Variants in JADE3 observed in about 807,000 individuals in gnomAD.
JADE3 encodes protein Jade-3.
Under a neutral mutation model 50.1 loss-of-function variants are expected in JADE3, and 2 were observed. That is an observed-to-expected ratio of 0.04 (90% confidence interval 0.02 to 0.13). JADE3 has a LOEUF of 0.13. Ranked by LOEUF, JADE3 falls within the 10% of genes least tolerant of loss-of-function variation. JADE3 has a pLI of 1.00. For missense variants in JADE3, 475 were observed against 634.4 expected (o/e 0.75, Z 2.70); for synonymous variants, 218 against 232.9 (o/e 0.94, Z 0.58).
rs1193717193 is a variant in JADE3, at chrX:47,059,509, A to G, written c.*432A>G. 8.5e-6 allele frequency: 1 copy of G among 118,149 alleles called. No homozygotes were observed. The highest frequency in any genetic ancestry group is 1.7e-5 in the Non-Finnish European group (1 of 57,537). 9.7% of individuals were successfully genotyped at this position (118,149 alleles called of 1,213,427 possible). A position where few individuals can be genotyped will look rare whatever the true frequency, so the allele number is the denominator to read the frequency against. On this transcript the variant is annotated 3_prime_UTR_variant, in exon 11 of 11. Transcript: ENST00000614628. The stretch of plus-strand genomic sequence containing the variant: ...GAGCTCCTGTCTGTAGGAAGTTTCT[A>G]ATTCCACTGGTATCTATAAACCCTT...
intron 1 of JADE3, among the ~76,000 whole-genome samples, chrX:46,969,825 A>G (rs1556349862): frequency 2.7e-5 from 3 of 112,170 alleles, no homozygotes; most frequent in Non-Finnish European, 5.6e-5. Flanking sequence ...GCGAAACTCC[A>G]TCTCAAAAAG....
At chrX:47,022,528 C>T (rs1200146114) in intron 4 of JADE3, among the ~76,000 whole-genome samples, 1 of 111,511 alleles carries the variant, frequency 9.0e-6, no homozygotes, top group African/African-American at 3.3e-5. Context: ...GTGGACTATG[C>T]CTGTATATAT....
intron 6 of JADE3, among the ~76,000 whole-genome samples, chrX:47,032,273 A>T (rs1018598143): frequency 2.7e-4 from 30 of 111,527 alleles, no homozygotes; most frequent in Non-Finnish European, 5.3e-4. Context: ...CGCTGTAAAT[A>T]TTTCAGTCTT....
intron 4 of JADE3, among the ~76,000 whole-genome samples, chrX:47,003,925 T>C (rs1928354738): frequency 9.6e-6 from 1 of 103,770 alleles, no homozygotes; most frequent in African/African-American, 3.5e-5. Flanking sequence ...AAATTATTTA[T>C]ATATATAAAT....
chrX:46,991,935 A>G (rs1315832307), intron 3 of JADE3, among the ~76,000 whole-genome samples: 1 of 110,697 alleles, frequency 9.0e-6, no homozygotes, highest in Admixed American at 9.6e-5. Flanking sequence ...TAGGGTGCAT[A>G]GTGGTCCTGT....
At chrX:47,046,445 A>G (rs1235821735) in intron 8 of JADE3, among the ~76,000 whole-genome samples, 3 of 112,235 alleles carry the variant, frequency 2.7e-5, no homozygotes, top group Non-Finnish European at 5.6e-5. Flanking sequence ...GAATTTTACA[A>G]AACATTTAAA....
At position 47,058,941 on chromosome X, in the gene JADE3, A is replaced by G; in HGVS notation, c.2336A>G (p.Glu779Gly). The change falls in exon 11 of 11, where the codon GAA (glutamate) becomes GGA (glycine). Residue 779 changes from glutamate to glycine, a missense_variant. By Grantham distance (98) the Glu-to-Gly change is moderately conservative (BLOSUM62 -2). This residue lies in a region of JADE3 where 243 missense variants were observed against 238.2 expected (regional missense o/e 1.02). Transcript: ENST00000614628. ...TTGGAGCTGAGTGATTCAGAGGCAG[A>G]AAGTGATGGGAATAAAGAAAAAGTC... is the stretch of plus-strand genomic sequence containing the variant. ...PDLELSDSEA[E>G]SDGNKEKVRV... The G allele has an allele frequency of 1.7e-6, 2 of 1,211,488 alleles. No homozygotes were observed. Among genetic ancestry groups the G allele is most frequent in the Non-Finnish European group, 2.2e-6 (2 of 895,332 alleles).
chrX:46,997,312 G>A (rs1339251987), intron 3 of JADE3, among the ~76,000 whole-genome samples: 3 of 110,483 alleles, frequency 2.7e-5, no homozygotes, highest in Non-Finnish European at 5.7e-5. Context: ...AGACCAGCCT[G>A]GGCAACCTGT....
rs1925982207 is a variant in JADE3, at chrX:46,912,554, C to A, written c.-177C>A. On this transcript the variant is annotated 5_prime_UTR_variant, in exon 1 of 11. Coordinates refer to ENST00000614628, the MANE Select transcript of JADE3 (RefSeq NM_014735.5). The stretch of plus-strand genomic sequence containing the variant: ...GGGAGCTGAGGCGCGGGGGGCGGCC[C>A]CGGCGGGGGGCGGGGGCGAGGAGGG... 2.7e-5 allele frequency: 3 copies of A among 110,795 alleles called. No homozygotes were observed. The Admixed American group carries it at 2.8e-4, about 10-fold the overall frequency. The allele number at this position is 110,795 out of a possible 1,213,427, so 9.1% of individuals were successfully genotyped here.
intron 1 of JADE3, among the ~76,000 whole-genome samples, chrX:46,971,620 C>G (rs868934775): frequency 1.7e-4 from 18 of 104,393 alleles, no homozygotes; most frequent in Admixed American, 4.1e-4. Context: ...ACGGTGAAAC[C>G]CTGTCTCTAC....
intron 4 of JADE3, among the ~76,000 whole-genome samples, chrX:47,018,556 G>A (rs782342003): frequency 2.7e-5 from 3 of 111,239 alleles, no homozygotes; most frequent in South Asian, 3.8e-4. Context: ...GGATGGTCTC[G>A]ATCTCCTGAC....
intron 8 of JADE3, among the ~76,000 whole-genome samples, chrX:47,043,212 C>G (rs782722245): frequency 8.9e-6 from 1 of 111,769 alleles, no homozygotes; most frequent in Non-Finnish European, 1.9e-5. Context: ...ACACCCAAGT[C>G]CCTCTGAATA....
intron 1 of JADE3, among the ~76,000 whole-genome samples, chrX:46,934,206 G>T (rs1354873787): frequency 9.0e-6 from 1 of 111,257 alleles, no homozygotes; most frequent in African/African-American, 3.3e-5. Context: ...TACAATCTTG[G>T]CTCACTGCAA....
intron 8 of JADE3, among the ~76,000 whole-genome samples, chrX:47,043,209 A>G (rs1352233711): frequency 1.2e-4 from 13 of 111,927 alleles, no homozygotes; most frequent in African/African-American, 3.9e-4. Context: ...ACAACACCCA[A>G]GTCCCTCTGA....
chrX:46,959,345 G>T (rs1390088100), intron 1 of JADE3, among the ~76,000 whole-genome samples: 1 of 112,354 alleles, frequency 8.9e-6, no homozygotes, highest in Non-Finnish European at 1.9e-5. Flanking sequence ...TAGGCCATGT[G>T]CCTTAGACAC....
intron 8 of JADE3, among the ~76,000 whole-genome samples, chrX:47,046,731 A>G (rs1556370763): frequency 8.9e-6 from 1 of 112,267 alleles, no homozygotes; most frequent in Non-Finnish European, 1.9e-5. Context: ...GAATTTTATC[A>G]AATGCTTTTT....
intron 1 of JADE3, among the ~76,000 whole-genome samples, chrX:46,962,189 A>G (rs782615443): frequency 1.8e-5 from 2 of 111,749 alleles, no homozygotes; most frequent in African/African-American, 6.5e-5. Flanking sequence ...ATGCAGGGGT[A>G]GGAATCCTGC....
chrX:46,974,092 C>G (rs1363648002), intron 1 of JADE3, among the ~76,000 whole-genome samples: 1 of 106,958 alleles, frequency 9.3e-6, no homozygotes, highest in Non-Finnish European at 1.9e-5. Context: ...GAAAACAAAA[C>G]AAAACAAAAC....
At chrX:46,962,298 A>C (rs1927279436) in intron 1 of JADE3, among the ~76,000 whole-genome samples, 1 of 112,175 alleles carries the variant, frequency 8.9e-6, no homozygotes, top group African/African-American at 3.2e-5. Flanking sequence ...AACTAGAATA[A>C]AATCAAATAT....
Sources: gnomAD v4.1 joint callset for allele counts (sites outside exome capture counted in the v4.1 genomes callset) on GRCh38, gnomAD v4.1.1 for gene constraint, gnomAD v4.1.1 regional missense constraint, MANE v1.5 for transcripts, NCBI Gene and HGNC (gene_info 2026-07-23, HGNC 2026-07-21) for gene names.